Variants in ZNF808 observed in about 807,000 individuals in gnomAD.
ZNF808 encodes the protein zinc finger protein 808.
Under a neutral mutation model 8.7 loss-of-function variants are expected in ZNF808, and 5 were observed. The ratio of observed to expected loss-of-function variants is 0.58; its 90% CI spans 0.30 to 1.21. The LOEUF is 1.21. ZNF808 is among the 50% of genes most tolerant of loss of function. The probability of loss-of-function intolerance (pLI) is 0.07; values close to 1 mark genes in which losing one functional copy is unlikely to be tolerated. For synonymous variants in ZNF808, 380 were observed against 366.0 expected (o/e 1.04, Z -0.44); for missense variants, 1,103 against 1,098.4 (o/e 1.00, Z -0.06).
chr19:52,555,097 A>T lies in ZNF808; in HGVS notation c.2181A>T (p.Arg727Ser). Reference protein sequence around the residue: ...SNRSSLVCHRRIHSGEKPYKC... With the variant: ...SNRSSLVCHRSIHSGEKPYKC... ...GGTCATCCCTTGTATGCCATCGTAG[A>T]ATTCATAGTGGTGAGAAACCTTACA... is the stretch of plus-strand genomic sequence containing the variant. The change falls in exon 5 of 5, where the codon AGA becomes AGT. Residue 727 changes from arginine (R) to serine (S), a missense_variant. Coordinates refer to ENST00000359798, the MANE Select transcript of ZNF808 (RefSeq NM_001039886.4). The T allele has an allele frequency of 6.2e-7, 1 of 1,614,194 alleles. No individual in the cohort carries two copies.
At chr19:52,561,147 A>G (rs981758361), downstream of ZNF808, among the ~76,000 whole-genome samples, 3 of 131,734 alleles carry the variant, frequency 2.3e-5, no homozygotes, top group African/African-American at 8.7e-5. Context: ...CCCTTGATGT[A>G]CTTCTATCTG....
intron 3 of ZNF808, among the ~76,000 whole-genome samples, chr19:52,562,489 C>T (rs1336955508): frequency 6.6e-6 from 1 of 152,188 alleles, no homozygotes; most frequent in East Asian, 1.9e-4. Flanking sequence ...GCAGGAACAT[C>T]CAATTGGAGA....
chr19:52,547,452 C>T (rs1177327294), intron 3 of ZNF808, 60 bp from the exon 4 acceptor site: 1 of 1,608,604 alleles, frequency 6.2e-7, no homozygotes, highest in Non-Finnish European at 8.5e-7. Context: ...TTCTCATTTC[C>T]TGTGAAGGTG....
At chr19:52,542,811 T>A (rs950945534) in intron 2 of ZNF808, among the ~76,000 whole-genome samples, 1 of 151,398 alleles carries the variant, frequency 6.6e-6, no homozygotes, top group African/African-American at 2.4e-5. Context: ...ATCTTTTGAG[T>A]TTCCTTTTTT....
chr19:52,549,725 A>C (rs57583765), intron 4 of ZNF808, among the ~76,000 whole-genome samples: 2,052 of 151,860 alleles, frequency 0.014, 41 homozygotes, highest in African/African-American at 0.047. Context: ...CCTGGCCTTG[A>C]CTCACATGAT....
At position 52,553,156 on chromosome 19, in the gene ZNF808, C is replaced by T; in HGVS notation, c.240C>T (p.Gly80=). The change falls in exon 5 of 5, where the codon GGC becomes GGT. Residue 80 remains glycine, a synonymous_variant. Coordinates refer to ENST00000359798, the MANE Select transcript of ZNF808 (RefSeq NM_001039886.4). The part of the protein sequence containing the change: ...MMKEVLSTGQ[G]NREVIHTGTL... ...AGGAGGTCTTGTCAACAGGGCAAGG[C>T]AATAGAGAAGTGATCCACACAGGGA... 6.3e-7 allele frequency: 1 copy of T among 1,598,472 alleles called. No individual in the cohort carries two copies. Among genetic ancestry groups the T allele is most frequent in the Non-Finnish European group, 8.5e-7 (1 of 1,174,066 alleles).
chr19:52,553,200 G>T lies in ZNF808; in HGVS notation c.284G>T (p.Ser95Ile), dbSNP rs1568488729. ...ACAGGGACATTGCAAAGACATCAAA[G>T]TTATCACATTGGAGACTTTTGCTTC... ...IHTGTLQRHQ[S>I]YHIGDFCFQE... The change falls in exon 5 of 5, where the codon AGT becomes ATT. Residue 95 changes from serine to isoleucine, a missense_variant. By Grantham distance (142) the Ser-to-Ile change is moderately radical. Transcript: ENST00000359798. 2.5e-6 allele frequency: 4 copies of T among 1,613,752 alleles called. No homozygotes were observed. The highest frequency in any genetic ancestry group is 1.7e-5 in the Admixed American group (1 of 59,944).
intron 2 of ZNF808, among the ~76,000 whole-genome samples, chr19:52,537,127 G>A (rs1051108068): frequency 6.6e-6 from 1 of 152,026 alleles, no homozygotes; most frequent in Non-Finnish European, 1.5e-5. Context: ...CGGAGGTTGC[G>A]GTGAGCCGAG....
Position 52,544,334 on chromosome 19 carries a change from G to A in ZNF808, c.63+987G>A, listed in dbSNP as rs567831303. On this transcript the variant is annotated intron_variant, in intron 3 of 4. Coordinates refer to ENST00000359798, the MANE Select transcript of ZNF808 (RefSeq NM_001039886.4). ...CACCATATGTATGTGTGTATATTAT[G>A]TATGTATTTATTTATTTTAAGATGG... 2.6e-5 allele frequency among the ~76,000 whole-genome samples: 4 copies of A among 152,126 alleles called. No individual in the cohort carries two copies. In the South Asian group the frequency reaches 6.2e-4, roughly 24 times the overall value.
downstream of ZNF808, among the ~76,000 whole-genome samples, chr19:52,565,080 C>G (rs971771113): frequency 6.6e-6 from 1 of 151,742 alleles, no homozygotes; most frequent in Non-Finnish European, 1.5e-5. Context: ...AGTGAGACTC[C>G]GTCTCAAAAA....
Position 52,553,498 on chromosome 19 carries a change from A to G in ZNF808, c.582A>G (p.Gln194=). The G allele has an allele frequency of 6.2e-7, 1 of 1,614,164 alleles. No individual in the cohort carries two copies. The highest frequency in any genetic ancestry group is 1.6e-4 in the Middle Eastern group (1 of 6,062). Residue 194 remains glutamine, a synonymous_variant, in exon 5 of 5, where the codon CAA becomes CAG. Coordinates refer to ENST00000359798, the MANE Select transcript of ZNF808 (RefSeq NM_001039886.4). ...TSDASSVSTS[Q]RISCRPQIHI... is the part of the protein sequence containing the mutation. ...ATGCTTCCTCAGTTTCAACATCCCA[A>G]AGAATTTCCTGTAGGCCCCAAATCC...
At chr19:52,561,179 TC>T, downstream of ZNF808, among the ~76,000 whole-genome samples, 2 of 48,980 alleles carry the variant, frequency 4.1e-5, no homozygotes, top group Middle Eastern at 8.2e-3. Flanking sequence ...TCTCTCTCTC[TC>T]TCTCTCTCTC....
Position 52,555,422 on chromosome 19 carries a change from C to T in ZNF808, c.2506C>T (p.Arg836Cys), listed in dbSNP as rs752208538. 12 of 1,613,858 alleles carry T rather than the reference C, an allele frequency of 7.4e-6. No individual in the cohort carries two copies. Among genetic ancestry groups the T allele is most frequent in the African/African-American group, 5.3e-5 (4 of 74,882 alleles). The change falls in exon 5 of 5, where the codon CGT becomes TGT. Residue 836 changes from arginine to cysteine, a missense_variant. Arg to Cys is a radical substitution (Grantham distance 180). Coordinates refer to ENST00000359798, the MANE Select transcript of ZNF808 (RefSeq NM_001039886.4). ...KAFNEQSHLSRHHRIHTGEKP... is the reference protein window; with the variant it reads ...KAFNEQSHLSCHHRIHTGEKP... ...TTTTAATGAACAATCACACCTTTCA[C>T]GTCATCATAGAATTCATACTGGAGA...
intron 3 of ZNF808, among the ~76,000 whole-genome samples, chr19:52,561,445 G>A (rs2059857964): frequency 6.6e-6 from 1 of 151,862 alleles, no homozygotes; most frequent in Admixed American, 6.6e-5. Context: ...TCAGGCCCAT[G>A]ATCAAGTTTG....
intron 2 of ZNF808, among the ~76,000 whole-genome samples, 151 bp downstream of exon 2, chr19:52,533,160 G>A (rs2059575744): frequency 6.6e-6 from 1 of 152,102 alleles, no homozygotes; most frequent in East Asian, 1.9e-4. Context: ...TCTGTTTTCT[G>A]AGGTAGTATG....
intron 3 of ZNF808, 134 bp from the exon 4 acceptor site, chr19:52,547,378 A>G: frequency 6.5e-7 from 1 of 1,526,756 alleles, no homozygotes; most frequent in Non-Finnish European, 8.8e-7. Flanking sequence ...AAAATAGTCA[A>G]AAATACCTTA....
At chr19:52,547,735 GC>G in intron 4 of ZNF808, 97 bp downstream of exon 4, 11 of 1,450,564 alleles carry the variant, frequency 7.6e-6, no homozygotes, top group Non-Finnish European at 9.9e-6. Flanking sequence ...CCCCATCCAT[GC>G]TGGTTTTTTT....
At chr19:52,560,073 C>T (rs560926773), downstream of ZNF808, among the ~76,000 whole-genome samples, 8 of 152,234 alleles carry the variant, frequency 5.3e-5, no homozygotes, top group Non-Finnish European at 7.4e-5. Context: ...AGGTGGCTCA[C>T]GCCTGTAATC....
downstream of ZNF808, among the ~76,000 whole-genome samples, chr19:52,565,402 C>T (rs1452227353): frequency 1.3e-5 from 2 of 152,158 alleles, no homozygotes; most frequent in Non-Finnish European, 2.9e-5. Context: ...ACAAACCTGC[C>T]TCCCATTTTA....
Sources: gnomAD v4.1 joint callset for allele counts (sites outside exome capture counted in the v4.1 genomes callset) on GRCh38, gnomAD v4.1.1 for gene constraint, MANE v1.5 for transcripts, NCBI Gene and HGNC (gene_info 2026-07-23, HGNC 2026-07-21) for gene names.